The following IQSEC1 variants were observed in gnomAD, a reference collection of about 807,000 sequenced individuals.
The protein encoded by IQSEC1 is IQ motif and Sec7 domain ArfGEF 1, also known as IQ motif and SEC7 domain-containing protein 1.
A neutral mutation model predicts 91.0 loss-of-function variants in IQSEC1; 31 were observed. The ratio of observed to expected loss-of-function variants is 0.34; its 90% CI spans 0.26 to 0.46. IQSEC1 has a LOEUF of 0.46. Ranked by LOEUF, IQSEC1 falls within the 20% of genes least tolerant of loss-of-function variation. The probability of loss-of-function intolerance (pLI) is 1.00; values close to 1 mark genes in which losing one functional copy is unlikely to be tolerated. For missense variants in IQSEC1, 1,388 were observed against 1,575.6 expected (o/e 0.88, Z 2.02); for synonymous variants, 699 against 662.6 (o/e 1.05, Z -0.84).
intron 1 of IQSEC1, among the ~76,000 whole-genome samples, chr3:13,020,427 CCCAGGGCCCCAGGCA>C (rs1703346452): frequency 6.6e-6 from 1 of 152,204 alleles, no homozygotes; most frequent in Non-Finnish European, 1.5e-5. Context: ...GAGGCTGAGG[CCCAGGGCCCCAGGCA>C]CTCTCACCCA....
chr3:13,159,588 A>G lies in IQSEC1; in HGVS notation c.302+4516T>C, dbSNP rs1037203509. 5.9e-5 allele frequency among the ~76,000 whole-genome samples: 9 copies of G among 152,162 alleles called. No homozygotes were observed. In the East Asian group the frequency reaches 1.7e-3, roughly 29 times the overall value. On this transcript the variant is annotated intron_variant, in intron 2 of 15. Transcript: ENST00000648114. ...CACCTTTGCACTCGAAATCCACGTCATCCTAGGCAAGCTGTTTTGTACTTC... is the reference window on the plus strand; with the variant it reads ...CACCTTTGCACTCGAAATCCACGTCGTCCTAGGCAAGCTGTTTTGTACTTC...
intron 1 of IQSEC1, among the ~76,000 whole-genome samples, chr3:13,186,359 G>C (rs915982119): frequency 4.6e-5 from 7 of 152,156 alleles, no homozygotes; most frequent in Non-Finnish European, 8.8e-5. Flanking sequence ...AACAGTGACA[G>C]AATTTGTATA....
intron 1 of IQSEC1, among the ~76,000 whole-genome samples, chr3:13,040,939 C>T (rs1480459959): frequency 6.6e-6 from 1 of 152,142 alleles, no homozygotes; most frequent in Non-Finnish European, 1.5e-5. Context: ...TTTGTCCCTG[C>T]CTGGCCCAGG....
chr3:12,989,282 A>G (rs760282685), intron 1 of IQSEC1, among the ~76,000 whole-genome samples: 1 of 152,194 alleles, frequency 6.6e-6, no homozygotes, highest in Non-Finnish European at 1.5e-5. Flanking sequence ...GGTGCTCCAT[A>G]AATATTTGCT....
intron 1 of IQSEC1, among the ~76,000 whole-genome samples, chr3:13,250,508 C>G (rs976510445): frequency 5.3e-5 from 8 of 151,346 alleles, no homozygotes; most frequent in East Asian, 1.9e-4. Context: ...AACCTCCCCC[C>G]ACCACCACCC....
At position 12,936,075 on chromosome 3, in the gene IQSEC1, G is replaced by T; in HGVS notation, c.941C>A (p.Thr314Asn). 6.2e-7 allele frequency: 1 copy of T among 1,608,726 alleles called. No homozygotes were observed. The change falls in exon 3 of 14, where the codon ACC becomes AAC. Residue 314 changes from threonine to asparagine, a missense_variant. Transcript: ENST00000613206. Reference sequence around the variant, plus strand: ...AGCCCGTAGCCGCAGGTCCGACTCGGTGCTGGACGGCCGGTCCCCTGCCTG... The same window carrying T: ...AGCCCGTAGCCGCAGGTCCGACTCGTTGCTGGACGGCCGGTCCCCTGCCTG... ...LSQAGDRPSS[T>N]ESDLRLRAGG...
At chr3:13,166,008 C>CCCTAATAAATGCCTGA (rs1693488289) in intron 1 of IQSEC1, among the ~76,000 whole-genome samples, 1 of 152,198 alleles carries the variant, frequency 6.6e-6, no homozygotes, top group Non-Finnish European at 1.5e-5. Context: ...GTGGACTGGT[C>CCCTAATAAATGCCTGA]ACCCAGGCGT....
chr3:12,943,005 T>C (rs1698898431), intron 1 of IQSEC1, among the ~76,000 whole-genome samples: 1 of 152,208 alleles, frequency 6.6e-6, no homozygotes, highest in Non-Finnish European at 1.5e-5. Flanking sequence ...GGCCCCTGTG[T>C]GTGGTGTGTG....
In IQSEC1 at chr3:12,935,771, G is replaced by T; in HGVS notation, c.1245C>A (p.Ser415Arg). ...KHGPHSGAPK[S>R]LPREEPELRP... is the part of the protein sequence containing the mutation. The stretch of plus-strand genomic sequence containing the variant: ...GCAACTCAGGCTCCTCCCGGGGGAG[G>T]CTCTTGGGGGCGCCGCTGTGGGGAC... Residue 415 changes from serine (S) to arginine (R), a missense_variant, in exon 3 of 14, where the codon AGC becomes AGA. By Grantham distance (110) the Ser-to-Arg change is moderately radical. Coordinates refer to ENST00000613206, the MANE Select transcript of IQSEC1 (RefSeq NM_001134382.3). This position sits in a 1 kb window ranked among gnomAD's most constrained non-coding sequence, Gnocchi z 8.0. The T allele has an allele frequency of 1.2e-6, 2 of 1,607,684 alleles. No homozygotes were observed.
chr3:13,266,884 C>T (rs1695500130), intron 1 of IQSEC1, among the ~76,000 whole-genome samples: 1 of 152,198 alleles, frequency 6.6e-6, no homozygotes, highest in Admixed American at 6.5e-5. Flanking sequence ...ATCTGCTCCC[C>T]CACCAGGCTA....
At chr3:13,233,282 T>C (rs1030711700) in intron 1 of IQSEC1, among the ~76,000 whole-genome samples, 1 of 151,916 alleles carries the variant, frequency 6.6e-6, no homozygotes, top group Non-Finnish European at 1.5e-5. Context: ...AGGGACCAGA[T>C]GCAAGTGTTC....
chr3:13,239,747 AG>A (rs2125101250), intron 1 of IQSEC1, among the ~76,000 whole-genome samples: 1 of 152,362 alleles, frequency 6.6e-6, no homozygotes, highest in South Asian at 2.1e-4. Context: ...GTGAACCCTG[AG>A]GACTTGATGC....
At chr3:13,099,556 G>A (rs867669684) in intron 2 of IQSEC1, among the ~76,000 whole-genome samples, 2 of 152,178 alleles carry the variant, frequency 1.3e-5, no homozygotes, top group African/African-American at 4.8e-5. Flanking sequence ...CTGGCAGAGC[G>A]CGGTGGCCAT....
At chr3:13,095,167 T>C (rs1361403239) in intron 2 of IQSEC1, among the ~76,000 whole-genome samples, 1 of 151,982 alleles carries the variant, frequency 6.6e-6, no homozygotes, top group African/African-American at 2.4e-5. Flanking sequence ...GGCTGCGATG[T>C]GTAGTCTGGT....
At chr3:13,168,729 T>C (rs184916070) in intron 1 of IQSEC1, among the ~76,000 whole-genome samples, 2 of 152,318 alleles carry the variant, frequency 1.3e-5, no homozygotes, top group Admixed American at 1.3e-4. Flanking sequence ...TCCTGGAAGA[T>C]CTGTCCTGTC....
chr3:13,168,933 C>T (rs892384706), intron 1 of IQSEC1, among the ~76,000 whole-genome samples: 15 of 152,310 alleles, frequency 9.8e-5, no homozygotes, highest in Non-Finnish European at 5.9e-5. Context: ...TGTCTACTTG[C>T]TTATTGTCTG....
At chr3:13,272,615 C>A (rs1211663051) in intron 1 of IQSEC1, among the ~76,000 whole-genome samples, 1 of 152,096 alleles carries the variant, frequency 6.6e-6, no homozygotes, top group Non-Finnish European at 1.5e-5. Context: ...CCCCGCACAC[C>A]CCTTTTAGGT....
chr3:13,084,777 C>A (rs1326201091), intron 2 of IQSEC1, among the ~76,000 whole-genome samples: 1 of 152,158 alleles, frequency 6.6e-6, no homozygotes, highest in Non-Finnish European at 1.5e-5. Flanking sequence ...CCGTAGTAAC[C>A]AAGATCTATG....
chr3:13,200,164 CAT>C (rs1156879279), intron 1 of IQSEC1, among the ~76,000 whole-genome samples: 3 of 151,638 alleles, frequency 2.0e-5, no homozygotes, highest in Non-Finnish European at 4.4e-5. Context: ...ACCAAACACA[CAT>C]ACACACACAT....
Sources: allele counts gnomAD v4.1 joint callset (sites outside exome capture counted in the v4.1 genomes callset), GRCh38; gene constraint gnomAD v4.1.1; non-coding constraint Gnocchi (gnomAD v3.1); transcripts MANE v1.5; gene names NCBI Gene and HGNC (gene_info 2026-07-23, HGNC 2026-07-21).